ERBB4: variants seen among roughly 807,000 people sequenced by gnomAD.
ERBB4 encodes the protein erb-b2 receptor tyrosine kinase 4.
ERBB4 carries 42 observed loss-of-function variants against 158.0 expected under a neutral mutation model. That is an observed-to-expected ratio of 0.27 (90% confidence interval 0.21 to 0.34). The LOEUF is 0.34. Among genes scored for constraint, ERBB4 ranks in the 10% least tolerant of loss-of-function variants. The probability of loss-of-function intolerance (pLI) is 1.00; values close to 1 mark genes in which losing one functional copy is unlikely to be tolerated. For synonymous variants in ERBB4, 583 were observed against 558.7 expected (o/e 1.04, Z -0.61); for missense variants, 1,333 against 1,624.1 (o/e 0.82, Z 3.08).
intron 20 of ERBB4, among the ~76,000 whole-genome samples, chr2:211,552,972 C>CTT (rs1357311190): frequency 1.6e-5 from 2 of 123,722 alleles, no homozygotes; most frequent in Non-Finnish European, 1.8e-5. Context: ...ACAAATAATA[C>CTT]ATTTTTTTTT....
At chr2:211,711,028 A>T (rs895583506) in intron 9 of ERBB4, among the ~76,000 whole-genome samples, 1 of 102,952 alleles carries the variant, frequency 9.7e-6, no homozygotes, top group East Asian at 2.4e-4. Flanking sequence ...AAAGGCAAGT[A>T]AAAAAAAAAA....
chr2:211,749,936 T>A (rs774930591), intron 5 of ERBB4, among the ~76,000 whole-genome samples: 5 of 152,170 alleles, frequency 3.3e-5, no homozygotes, highest in African/African-American at 4.8e-5. Flanking sequence ...TTTTCTTTTT[T>A]AAAGAAATCA....
intron 1 of ERBB4, among the ~76,000 whole-genome samples, chr2:212,156,465 G>A (rs1224001697): frequency 6.6e-6 from 1 of 152,074 alleles, no homozygotes; most frequent in Non-Finnish European, 1.5e-5. Context: ...AGTCAGCACA[G>A]ACATCAAAAA....
intron 20 of ERBB4, among the ~76,000 whole-genome samples, chr2:211,509,912 T>C (rs1471596739): frequency 1.3e-5 from 2 of 152,072 alleles, no homozygotes; most frequent in Non-Finnish European, 2.9e-5. Context: ...TACATCAGTC[T>C]GAATGGCTAT....
intron 19 of ERBB4, among the ~76,000 whole-genome samples, chr2:211,587,552 A>G (rs2068323281): frequency 6.6e-6 from 1 of 152,122 alleles, no homozygotes; most frequent in South Asian, 2.1e-4. Context: ...ATCCTCCCCT[A>G]GAGACTTAGA....
chr2:211,492,709 C>T (rs973800416), intron 20 of ERBB4, among the ~76,000 whole-genome samples: 1 of 152,122 alleles, frequency 6.6e-6, no homozygotes, highest in Non-Finnish European at 1.5e-5. Context: ...TCCATTCACA[C>T]TGTCAAACTA....
intron 1 of ERBB4, among the ~76,000 whole-genome samples, chr2:212,284,313 C>A (rs1267470545): frequency 6.6e-6 from 1 of 152,014 alleles, no homozygotes; most frequent in African/African-American, 2.4e-5. Flanking sequence ...ACTCCCAAGC[C>A]TGCCTCTGAA....
chr2:212,294,182 T>C (rs1467001165), intron 1 of ERBB4, among the ~76,000 whole-genome samples: 1 of 152,044 alleles, frequency 6.6e-6, no homozygotes, highest in South Asian at 2.1e-4. Flanking sequence ...TATACAAATA[T>C]GGAACAAATA....
At chr2:212,003,191 AAG>A (rs1233752017) in intron 2 of ERBB4, among the ~76,000 whole-genome samples, 87 of 74,184 alleles carry the variant, frequency 1.2e-3, no homozygotes, top group African/African-American at 3.3e-3. Context: ...GAAAGAAAGA[AAG>A]AAAGAAAGAA....
At chr2:211,416,088 A>T (rs990861292) in intron 25 of ERBB4, among the ~76,000 whole-genome samples, 2 of 152,184 alleles carry the variant, frequency 1.3e-5, no homozygotes, top group Admixed American at 6.5e-5. Context: ...TCTTAAAACT[A>T]TTGCTTACAA....
intron 17 of ERBB4, among the ~76,000 whole-genome samples, chr2:211,624,408 G>A (rs2069755861): frequency 6.6e-6 from 1 of 152,034 alleles, no homozygotes; most frequent in African/African-American, 2.4e-5. Context: ...CAGAGGAGAG[G>A]GGAAAAAAAC....
chr2:211,982,240 G>C (rs994354649), intron 2 of ERBB4, among the ~76,000 whole-genome samples: 3 of 152,148 alleles, frequency 2.0e-5, no homozygotes, highest in African/African-American at 7.2e-5. Context: ...GATAGTACAA[G>C]CAGTAATCAA....
chr2:211,559,724 G>A (rs1376608116), intron 20 of ERBB4, among the ~76,000 whole-genome samples: 6 of 152,066 alleles, frequency 3.9e-5, no homozygotes, highest in Non-Finnish European at 1.5e-5. Flanking sequence ...ATCCATTAGG[G>A]TGCACAGAGA....
chr2:211,488,572 C>T (rs1309567254), intron 20 of ERBB4, among the ~76,000 whole-genome samples: 1 of 151,964 alleles, frequency 6.6e-6, no homozygotes, highest in African/African-American at 2.4e-5. Flanking sequence ...CAATTAAAAG[C>T]AGCCAATTTT....
intron 1 of ERBB4, among the ~76,000 whole-genome samples, chr2:212,350,061 C>CT (rs1031120437): frequency 2.0e-5 from 3 of 151,862 alleles, no homozygotes; most frequent in East Asian, 3.9e-4. Flanking sequence ...AAATTAACCT[C>CT]TTTTTTTTCT....
intron 1 of ERBB4, among the ~76,000 whole-genome samples, chr2:212,283,468 T>C (rs560222233): frequency 6.6e-6 from 1 of 152,176 alleles, no homozygotes; most frequent in Admixed American, 6.6e-5. Flanking sequence ...AGTTTATTAC[T>C]GGCAGAATGC....
chr2:211,820,662 C>G (rs78832454), intron 3 of ERBB4, among the ~76,000 whole-genome samples: 6,507 of 151,790 alleles, frequency 0.043, 469 homozygotes, highest in African/African-American at 0.15. Context: ...TCTCTGATGA[C>G]ATAGACACAC....
intron 1 of ERBB4, among the ~76,000 whole-genome samples, chr2:212,383,808 T>G (rs542152746): frequency 2.0e-5 from 3 of 151,812 alleles, no homozygotes; most frequent in African/African-American, 7.2e-5. Flanking sequence ...CGAAGACAAT[T>G]ATTCCTACAT....
At chr2:211,892,499 A>T (rs2078994228) in intron 3 of ERBB4, among the ~76,000 whole-genome samples, 1 of 137,812 alleles carries the variant, frequency 7.3e-6, no homozygotes, top group Admixed American at 7.1e-5. Flanking sequence ...AACTGGCACA[A>T]GACAGGGATG....
Sources: allele counts gnomAD v4.1 joint callset (sites outside exome capture counted in the v4.1 genomes callset), GRCh38; gene constraint gnomAD v4.1.1; transcripts MANE v1.5; gene names NCBI Gene and HGNC (gene_info 2026-07-23, HGNC 2026-07-21).